The following STAB1 variants were observed in gnomAD, a reference collection of about 807,000 sequenced individuals.
STAB1 encodes stabilin-1.
In STAB1, 250 loss-of-function variants were observed where a neutral mutation model predicts 332.4. The observed-to-expected ratio is 0.75, with a 90% CI of 0.68 to 0.84. The LOEUF (loss-of-function observed/expected upper bound fraction) is 0.84. Among genes scored for constraint, STAB1 ranks in the 40% least tolerant of loss-of-function variants. The pLI is 0.00. For missense variants in STAB1, 3,249 were observed against 3,489.7 expected, an observed-to-expected ratio of 0.93 and a Z score of 1.74; for synonymous variants, 1,475 against 1,390.4, an observed-to-expected ratio of 1.06 and a Z score of -1.35.
chr3:52,513,844 A>G, intron 31 of STAB1, 39 bp from the exon 32 acceptor site: 1 of 1,612,952 alleles, frequency 6.2e-7, no homozygotes, highest in Non-Finnish European at 8.5e-7. Context: ...CAGGCCGTGA[A>G]GCAATGACAT....
At position 52,503,000 on chromosome 3, in the gene STAB1, G is replaced by C. The variant is rs747009883; in HGVS notation, c.585G>C (p.Glu195Asp). 6.3e-7 allele frequency: 1 copy of C among 1,575,742 alleles called. No homozygotes were observed. The highest frequency in any genetic ancestry group is 8.6e-7 in the Non-Finnish European group (1 of 1,161,702). The change falls in exon 7 of 69, where the codon GAG (glutamate) becomes GAC (aspartate). Residue 195 changes from glutamate (E) to aspartate (D), a missense_variant and splice_region_variant. Transcript: ENST00000321725. ...AGYTGPHCDQ[E>D]LPVCQELRCP... ...CAGTGCTCTCTCCACTCTGCGCAGA[G>C]CTGCCCGTCTGCCAGGAGCTGCGCT... is the stretch of plus-strand genomic sequence containing the variant.
intron 2 of STAB1, 142 bp from the exon 3 acceptor site, chr3:52,501,496 G>A: frequency 9.3e-7 from 1 of 1,075,658 alleles, no homozygotes; most frequent in Non-Finnish European, 1.3e-6. Flanking sequence ...TGGGGCACCT[G>A]CTATGTGCTA....
chr3:52,513,152 C>G lies in STAB1; in HGVS notation c.3181C>G (p.Leu1061Val), dbSNP rs368984379. 1 of 1,574,788 alleles carries G rather than the reference C, an allele frequency of 6.4e-7. No individual in the cohort carries two copies. Among genetic ancestry groups the G allele is most frequent in the East Asian group, 2.3e-5 (1 of 43,394 alleles). Residue 1061 changes from leucine to valine, a missense_variant, in exon 30 of 69, where the codon CTC becomes GTC. Leu to Val is a conservative substitution (Grantham distance 32, BLOSUM62 1). Coordinates refer to ENST00000321725, the MANE Select transcript of STAB1 (RefSeq NM_015136.3). ...CAGGGCCCATTTTCTCCAGGGTGCCCTCTTCGAGGAGGAGCTGGCCCGGCT... is the reference window on the plus strand; with the variant it reads ...CAGGGCCCATTTTCTCCAGGGTGCCGTCTTCGAGGAGGAGCTGGCCCGGCT... Reference protein sequence around the residue: ...LVRAHFLQGALFEEELARLGG... With the variant: ...LVRAHFLQGAVFEEELARLGG...
intron 55 of STAB1, 74 bp downstream of exon 55, chr3:52,521,079 C>T: frequency 6.9e-7 from 1 of 1,449,788 alleles, no homozygotes; most frequent in Non-Finnish European, 9.1e-7. Context: ...GGCCATTGTC[C>T]TTGAGAGAGT....
rs901574727 is a variant in STAB1 at position 52,523,970 on chromosome 3, C to T, written c.7495C>T (p.Leu2499Phe). 3.1e-6 allele frequency: 5 copies of T among 1,611,638 alleles called. No homozygotes were observed. In the African/African-American group the frequency reaches 6.7e-5, roughly 22 times the overall value. The change falls in exon 67 of 69, where the codon CTC becomes TTC. Residue 2499 changes from leucine (L) to phenylalanine (F), a missense_variant. Physicochemically the swap from Leu to Phe is conservative, Grantham distance 22 (BLOSUM62 0). Transcript: ENST00000321725. The part of the protein sequence containing the change: ...LLGLVAGALY[L>F]RARGKPMGFG... ...TGGCTTGGTGGCCGGAGCTCTCTAC[C>T]TCCGTGCCCGAGGCAAGCCCATGGG...
At position 52,519,345 on chromosome 3, in the gene STAB1, C is replaced by G. The variant is rs745703630; in HGVS notation, c.5116C>G (p.Arg1706Gly). 7.4e-6 allele frequency: 12 copies of G among 1,613,126 alleles called. No homozygotes were observed. In the South Asian group the frequency reaches 1.1e-4, roughly 15 times the overall value. The change falls in exon 49 of 69, where the codon CGT becomes GGT. Residue 1706 changes from arginine (R) to glycine (G), a missense_variant. Coordinates refer to ENST00000321725, the MANE Select transcript of STAB1 (RefSeq NM_015136.3). ...AVNGILHFIDRVLLPPEALHW... is the reference protein window; with the variant it reads ...AVNGILHFIDGVLLPPEALHW... ...GAACGGCATCCTGCACTTCATTGAC[C>G]GTGTCCTGCTGCCCCCCGAGGCGCT...
chr3:52,519,900 TCTGA>T (rs1267512295), intron 50 of STAB1, 40 bp from the exon 51 acceptor site: 1 of 1,531,600 alleles, frequency 6.5e-7, no homozygotes, highest in Non-Finnish European at 8.8e-7. Context: ...CTAACTAGTC[TCTGA>T]CTGGGCAGCG....
rs761841917 is a variant in STAB1, at chr3:52,516,102, AG to A, written c.4015del (p.Val1339CysfsTer252). The A allele has an allele frequency of 6.2e-6, 10 of 1,611,322 alleles. No individual in the cohort carries two copies. The highest frequency in any genetic ancestry group is 1.7e-4 in the Middle Eastern group (1 of 6,044). On this transcript the variant is annotated frameshift_variant, in exon 38 of 69. Coordinates refer to ENST00000321725, the MANE Select transcript of STAB1 (RefSeq NM_015136.3). LOFTEE classifies it high-confidence loss of function. ...TGTGTGAGCCATGCCCAGGGGGTCT[AG>A]GGGGGGTGTGCTCAGGCCATGGGCA... ...TLCEPCPGGL[G>X]GVCSGHGQCQ... is the part of the protein sequence containing the mutation.
intron 50 of STAB1, 98 bp from the exon 51 acceptor site, chr3:52,519,846 G>A: frequency 7.1e-7 from 1 of 1,409,050 alleles, no homozygotes; most frequent in South Asian, 1.4e-5. Context: ...GTGTGGGTGA[G>A]TGTGGAGCCC....
At chr3:52,511,836 C>A (rs927279526) in intron 26 of STAB1, 91 bp downstream of exon 26, 1 of 984,302 alleles carries the variant, frequency 1.0e-6, no homozygotes, top group Non-Finnish European at 1.5e-6. Flanking sequence ...CTCTGGGTGT[C>A]TCTCTGTACC....
In STAB1 at chr3:52,518,347, C is replaced by T; in HGVS notation, c.4797C>T (p.Ser1599=). ...LLRDKHASFF[S]LRLLEYKELK... ...GGGATAAGCATGCCTCATTCTTCAG[C>T]CTCCGCCTCCTGGTGAGTGGCCAGC... Residue 1599 remains serine (S), a synonymous_variant, in exon 46 of 69, where the codon AGC becomes AGT. Coordinates refer to ENST00000321725, the MANE Select transcript of STAB1 (RefSeq NM_015136.3). 2 of 1,612,624 alleles carry T rather than the reference C, an allele frequency of 1.2e-6. No homozygotes were observed. The highest frequency in any genetic ancestry group is 1.1e-5 in the South Asian group (1 of 90,952).
chr3:52,519,616 G>C, intron 50 of STAB1, 52 bp downstream of exon 50: 1 of 1,604,862 alleles, frequency 6.2e-7, no homozygotes, highest in Non-Finnish European at 8.5e-7. Context: ...ACGTGTAAGT[G>C]TGTGCAAGTG....
In STAB1 at chr3:52,505,912, G is replaced by A. The variant is rs1708822440; in HGVS notation, c.1725G>A (p.Arg575=). 5 of 1,613,786 alleles carry A rather than the reference G, an allele frequency of 3.1e-6. No homozygotes were observed. The highest frequency in any genetic ancestry group is 3.4e-6 in the Non-Finnish European group (4 of 1,180,048). The change falls in exon 16 of 69, where the codon CGG becomes CGA. Residue 575 remains arginine (R), a synonymous_variant. Transcript: ENST00000321725. ...AGLSKLQELV[R]YHIYNHGQLT... is the part of the protein sequence containing the mutation. ...TCTCTAAACTGCAGGAGTTGGTGCGGTACCACATCTACAACCACGGCCAGG... is the reference window on the plus strand; with the variant it reads ...TCTCTAAACTGCAGGAGTTGGTGCGATACCACATCTACAACCACGGCCAGG...
Position 52,512,346 on chromosome 3 carries a change from C to T in STAB1, c.2889C>T (p.Thr963=), listed in dbSNP as rs1352807316. ...AGNGGCHGLA[T]CRAVGGGQRV... The stretch of plus-strand genomic sequence containing the variant: ...CTTTCTCACTCCCACCCCAGGCCAC[C>T]TGCCGGGCAGTGGGGGGAGGTCAGC... The change falls in exon 27 of 69, where the codon ACC becomes ACT. Residue 963 remains threonine (T), a synonymous_variant. Coordinates refer to ENST00000321725, the MANE Select transcript of STAB1 (RefSeq NM_015136.3). The T allele has an allele frequency of 6.2e-7, 1 of 1,613,050 alleles. No homozygotes were observed.
Position 52,520,506 on chromosome 3 carries a change from TTGG to T in STAB1, c.5609_5611del (p.Gly1870del), listed in dbSNP as rs2079037356. 6.2e-7 allele frequency: 1 copy of T among 1,612,510 alleles called. No homozygotes were observed. Among genetic ancestry groups the T allele is most frequent in the East Asian group, 2.2e-5 (1 of 44,878 alleles). On this transcript the variant is annotated inframe_deletion, in exon 53 of 69. Coordinates refer to ENST00000321725, the MANE Select transcript of STAB1 (RefSeq NM_015136.3). The stretch of plus-strand genomic sequence containing the variant: ...GACCAGCTGCTGGAGCCACCTGGCC[TTGG>T]TGCTCGCTGTGACCACTTTGAGACC...
chr3:52,514,309 C>T, intron 33 of STAB1, 56 bp from the exon 34 acceptor site: 1 of 1,569,034 alleles, frequency 6.4e-7, no homozygotes, highest in Non-Finnish European at 8.7e-7. Context: ...GTGTGGCGTG[C>T]TGTCCAGGGC....
intron 13 of STAB1, 72 bp from the exon 14 acceptor site, chr3:52,505,247 G>A (rs1578370240): frequency 6.8e-6 from 11 of 1,605,916 alleles, no homozygotes; most frequent in South Asian, 3.3e-5. Flanking sequence ...GGGCTGGAGC[G>A]CAGCTTCTCC....
chr3:52,517,550 G>A lies in STAB1; in HGVS notation c.4564G>A (p.Val1522Ile). 6.2e-7 allele frequency: 1 copy of A among 1,612,642 alleles called. No homozygotes were observed. The highest frequency in any genetic ancestry group is 8.5e-7 in the Non-Finnish European group (1 of 1,179,802). ...AECIPTGPQQ[V>I]SCSCREGYSG... is the part of the protein sequence containing the mutation. ...CCCCACTGATCAAGACTGGGGACAG[G>A]TCTCCTGCAGCTGCCGTGAGGGTTA... is the stretch of plus-strand genomic sequence containing the variant. The change falls in exon 44 of 69, where the codon GTC becomes ATC. Residue 1522 changes from valine to isoleucine, a missense_variant and splice_region_variant. Physicochemically the swap from Val to Ile is conservative, Grantham distance 29 (BLOSUM62 3). Coordinates refer to ENST00000321725, the MANE Select transcript of STAB1 (RefSeq NM_015136.3).
intron 27 of STAB1, 65 bp downstream of exon 27, chr3:52,512,501 T>A: frequency 6.2e-7 from 1 of 1,610,772 alleles, no homozygotes; most frequent in Non-Finnish European, 8.5e-7. Flanking sequence ...CTCCAGCACC[T>A]CAGGTGGGAA....
Sources: gnomAD v4.1 joint callset for allele counts on GRCh38, gnomAD v4.1.1 for gene constraint, MANE v1.5 for transcripts, NCBI Gene and HGNC (gene_info 2026-07-23, HGNC 2026-07-21) for gene names.